CCDC192: variants seen among roughly 807,000 people sequenced by gnomAD.
The protein encoded by CCDC192 is coiled-coil domain containing 192.
At chr5:127,800,384 A>C (rs1309609598) in intron 5 of CCDC192, among the ~76,000 whole-genome samples, 3 of 137,354 alleles carry the variant, frequency 2.2e-5, no homozygotes, top group Admixed American at 7.4e-5. Context: ...CTGAAAAAAA[A>C]AAAAAAAAAA....
At chr5:127,912,176 C>T (rs986443527) in intron 6 of CCDC192, among the ~76,000 whole-genome samples, 2 of 151,600 alleles carry the variant, frequency 1.3e-5, no homozygotes, top group Non-Finnish European at 2.9e-5. Flanking sequence ...ATGATCCACC[C>T]ATCTCAGCCT....
intron 5 of CCDC192, among the ~76,000 whole-genome samples, chr5:127,854,308 C>T (rs1750957962): frequency 6.6e-6 from 1 of 152,216 alleles, no homozygotes; most frequent in African/African-American, 2.4e-5. Flanking sequence ...CTGCAGATGA[C>T]TTCCTGATTT....
At chr5:127,907,707 G>A (rs947638906) in intron 6 of CCDC192, among the ~76,000 whole-genome samples, 7 of 152,180 alleles carry the variant, frequency 4.6e-5, no homozygotes, top group African/African-American at 1.7e-4. Context: ...ACCAGTGGCT[G>A]AAACTGGTAG....
At chr5:127,845,025 A>C (rs1179424071) in intron 5 of CCDC192, among the ~76,000 whole-genome samples, 1 of 152,238 alleles carries the variant, frequency 6.6e-6, no homozygotes, top group African/African-American at 2.4e-5. Context: ...TCTGTTCTTA[A>C]GAAGGGTCAT....
rs905683954 is a variant in CCDC192 at position 127,841,723 on chromosome 5, A to G, written c.412-33815A>G. On this transcript the variant is annotated intron_variant, in intron 5 of 6. Coordinates refer to ENST00000514853, the MANE Select transcript of CCDC192 (RefSeq NM_001317938.2). Reference sequence around the variant, plus strand: ...GTCTTAGAACAAACGGAGTTGTCCAACGTGTGTATGGGTGGCTCCCATGGT... The same window carrying G: ...GTCTTAGAACAAACGGAGTTGTCCAGCGTGTGTATGGGTGGCTCCCATGGT... Among the ~76,000 whole-genome samples, 6 of 152,144 alleles carry G rather than the reference A, an allele frequency of 3.9e-5. No individual in the cohort carries two copies. In the East Asian group the frequency reaches 5.8e-4, roughly 15 times the overall value.
At chr5:127,702,966 G>T (rs891910232), upstream of CCDC192, among the ~76,000 whole-genome samples, 1 of 152,206 alleles carries the variant, frequency 6.6e-6, no homozygotes, top group African/African-American at 2.4e-5. Context: ...AATGTGGCCG[G>T]GTGGGGTCTT....
intron 5 of CCDC192, among the ~76,000 whole-genome samples, chr5:127,865,114 T>G (rs1444313951): frequency 6.6e-6 from 1 of 152,126 alleles, no homozygotes; most frequent in Admixed American, 6.5e-5. Flanking sequence ...GACACTGCAC[T>G]CCAGCCTGGG....
chr5:127,705,047 A>T (rs1750888460), intron 1 of CCDC192, among the ~76,000 whole-genome samples: 1 of 152,216 alleles, frequency 6.6e-6, no homozygotes, highest in Admixed American at 6.5e-5. Flanking sequence ...CCCTGCCAAT[A>T]GAAATTTAAA....
At chr5:127,717,459 CA>C (rs1176113108) in intron 2 of CCDC192, among the ~76,000 whole-genome samples, 1 of 132,144 alleles carries the variant, frequency 7.6e-6, no homozygotes, top group Non-Finnish European at 1.7e-5. Flanking sequence ...TCAAGCAGTG[CA>C]TAGAAAGGTA....
At chr5:127,894,993 C>T (rs888972817) in intron 6 of CCDC192, among the ~76,000 whole-genome samples, 6 of 151,832 alleles carry the variant, frequency 4.0e-5, no homozygotes, top group African/African-American at 1.5e-4. Flanking sequence ...TTTTTTTTCC[C>T]TGCAACTTTT....
At chr5:127,762,647 A>T (rs894150584) in intron 3 of CCDC192, among the ~76,000 whole-genome samples, 3 of 152,174 alleles carry the variant, frequency 2.0e-5, no homozygotes, top group African/African-American at 7.2e-5. Flanking sequence ...AAATGTCAAG[A>T]TCAAACAGAG....
chr5:127,939,110 C>CTTTTTTTTTTTT (rs59545987), intron 6 of CCDC192, among the ~76,000 whole-genome samples: 2 of 83,620 alleles, frequency 2.4e-5, no homozygotes, highest in Non-Finnish European at 4.4e-5. Context: ...AAACCAACAT[C>CTTTTTTTTTTTT]TTTTTTTTTT....
chr5:127,897,508 G>C (rs1444474260), intron 6 of CCDC192, among the ~76,000 whole-genome samples: 5 of 152,186 alleles, frequency 3.3e-5, no homozygotes, highest in Admixed American at 3.3e-4. Flanking sequence ...AGCAATTCTT[G>C]ATGTAAAAGC....
At chr5:127,773,358 A>G (rs765478220) in intron 3 of CCDC192, among the ~76,000 whole-genome samples, 1 of 152,200 alleles carries the variant, frequency 6.6e-6, no homozygotes, top group Admixed American at 6.5e-5. Context: ...AATATTGTGC[A>G]ACCAACTCTT....
At chr5:127,766,331 A>C (rs1755221711) in intron 3 of CCDC192, among the ~76,000 whole-genome samples, 1 of 152,154 alleles carries the variant, frequency 6.6e-6, no homozygotes, top group Admixed American at 6.5e-5. Flanking sequence ...TATAATATGC[A>C]GGCAAATATA....
rs111329554 is a variant in CCDC192, at chr5:127,787,463, T to C, written c.223-9640T>C. On this transcript the variant is annotated intron_variant, in intron 3 of 6. Transcript: ENST00000514853. ...CATTTGTTTCTAAATATTTTTTAAT[T>C]TGCCTTGTGATTTTTTCTTTGTCCC... is the stretch of plus-strand genomic sequence containing the variant. Among the ~76,000 whole-genome samples, 706 of 152,334 alleles carry C rather than the reference T, an allele frequency of 4.6e-3. 4 individuals are homozygous for C. The highest frequency in any genetic ancestry group is 8.1e-3 in the Non-Finnish European group (549 of 68,034).
intron 5 of CCDC192, among the ~76,000 whole-genome samples, chr5:127,852,508 T>A (rs1410652475): frequency 1.3e-5 from 2 of 152,280 alleles, no homozygotes; most frequent in South Asian, 4.2e-4. Context: ...CACAAACTTC[T>A]GTGGCATTCA....
chr5:127,852,332 A>G (rs1053036863), intron 5 of CCDC192, among the ~76,000 whole-genome samples: 3 of 152,200 alleles, frequency 2.0e-5, no homozygotes, highest in African/African-American at 4.8e-5. Context: ...TTGTTTTTAC[A>G]TGATAGACAG....
intron 5 of CCDC192, among the ~76,000 whole-genome samples, chr5:127,825,013 G>T (rs1749460667): frequency 6.6e-6 from 1 of 152,118 alleles, no homozygotes; most frequent in Non-Finnish European, 1.5e-5. Context: ...TACCTAAACT[G>T]GAATGCCACA....
Sources: gnomAD v4.1 joint callset for allele counts (sites outside exome capture counted in the v4.1 genomes callset) on GRCh38, gnomAD v4.1.1 for gene constraint, MANE v1.5 for transcripts, NCBI Gene and HGNC (gene_info 2026-07-23, HGNC 2026-07-21) for gene names.